The following NID1 variants were observed in gnomAD, a reference collection of about 807,000 sequenced individuals.
NID1 encodes nidogen-1.
In NID1, 76 loss-of-function variants were observed where a neutral mutation model predicts 130.6. That is an observed-to-expected ratio of 0.58 (90% CI 0.48 to 0.70). The LOEUF (loss-of-function observed/expected upper bound fraction) is 0.70, where lower values mean the gene tolerates loss of function less well. Among genes scored for constraint, NID1 ranks in the 30% least tolerant of loss-of-function variants. NID1 has a pLI of 0.00. For synonymous variants in NID1, 665 were observed against 675.1 expected, an observed-to-expected ratio of 0.98 and a Z score of 0.23; for missense variants, 1,517 against 1,664.8, an observed-to-expected ratio of 0.91 and a Z score of 1.54.
At chr1:236,009,616 G>C (rs776173601) in intron 12 of NID1, among the ~76,000 whole-genome samples, 2 of 152,014 alleles carry the variant, frequency 1.3e-5, no homozygotes, top group African/African-American at 2.4e-5. Context: ...ATACACATGG[G>C]GCCATGCTAT....
rs781054440 is a variant in NID1 at position 235,993,731 on chromosome 1, T to A, written c.2669A>T (p.His890Leu). 8 of 1,612,008 alleles carry A rather than the reference T, an allele frequency of 5.0e-6. No homozygotes were observed. In the South Asian group the frequency reaches 8.8e-5, roughly 18 times the overall value. The change falls in exon 13 of 20, where the codon CAC becomes CTC. Residue 890 changes from histidine (H) to leucine (L), a missense_variant. By Grantham distance (99) the His-to-Leu change is moderately conservative. Transcript: ENST00000264187. The stretch of plus-strand genomic sequence containing the variant: ...GCACCAGCAGTAGCCGGTGCTGCCG[T>A]GGCACTGGGTGGGCGCGTAGTGCCC... The part of the protein sequence containing the change: ...AHGHYAPTQC[H>L]GSTGYCWCVD...
Position 236,013,533 on chromosome 1 carries a change from T to C in NID1, c.2282A>G (p.Tyr761Cys), listed in dbSNP as rs372753135. The C allele has an allele frequency of 3.6e-4, 577 of 1,613,994 alleles. No individual in the cohort carries two copies. The highest frequency in any genetic ancestry group is 4.6e-4 in the Non-Finnish European group (538 of 1,180,000). The change falls in exon 11 of 20, where the codon TAC (tyrosine) becomes TGC (cysteine). Residue 761 changes from tyrosine to cysteine, a missense_variant. Coordinates refer to ENST00000264187, the MANE Select transcript of NID1 (RefSeq NM_002508.3). ...VAVVDQRPIN[Y>C]CETGLHNCDI... ...GCAGTTATGAAGGCCAGTTTCACAG[T>C]AGTTGATGGGGCGCTGGTCCACGAC...
At chr1:236,008,493 GTATTTATT>G (rs764765100) in intron 12 of NID1, among the ~76,000 whole-genome samples, 13 of 151,950 alleles carry the variant, frequency 8.6e-5, no homozygotes, top group African/African-American at 3.1e-4. Flanking sequence ...GTTTCATAAA[GTATTTATT>G]TATTTATTTA....
chr1:236,049,122 G>A (rs998146331), intron 1 of NID1, 133 bp from the exon 2 acceptor site: 28 of 941,758 alleles, frequency 3.0e-5, no homozygotes, highest in African/African-American at 8.3e-5. Flanking sequence ...AGAAAGATAC[G>A]AGCCTGAACC....
At position 236,025,988 on chromosome 1, in the gene NID1, T is replaced by C; in HGVS notation, c.1892A>G (p.Gln631Arg). 1 of 1,612,980 alleles carries C rather than the reference T, an allele frequency of 6.2e-7. No homozygotes were observed. Among genetic ancestry groups the C allele is most frequent in the Non-Finnish European group, 8.5e-7 (1 of 1,179,842 alleles). ...GAACACGCTGTCCACCGAGAGCTGCTGGGTGCTGGGCAGGGCTGGCCGGGA... is the reference window on the plus strand; with the variant it reads ...GAACACGCTGTCCACCGAGAGCTGCCGGGTGCTGGGCAGGGCTGGCCGGGA... ...DDSRPALPST[Q>R]QLSVDSVFVL... The change falls in exon 8 of 20, where the codon CAG becomes CGG. Residue 631 changes from glutamine (Q) to arginine (R), a missense_variant. By Grantham distance (43) the Gln-to-Arg change is conservative. This residue lies in a region of NID1 where 1,329 missense variants were observed against 1,429.2 expected (regional missense o/e 0.93). Transcript: ENST00000264187.
At chr1:236,057,135 T>C (rs948310119) in intron 1 of NID1, among the ~76,000 whole-genome samples, 1 of 152,090 alleles carries the variant, frequency 6.6e-6, no homozygotes, top group Admixed American at 6.6e-5. Context: ...GGTGGGTGCC[T>C]GTAATCCCAG....
chr1:236,020,794 G>A (rs1040417890), intron 9 of NID1, among the ~76,000 whole-genome samples: 11 of 152,214 alleles, frequency 7.2e-5, no homozygotes, highest in African/African-American at 2.7e-4. Context: ...AACAATAAGT[G>A]TCCTGACTGG....
At chr1:236,039,111 A>C (rs1194857246) in intron 4 of NID1, among the ~76,000 whole-genome samples, 1 of 142,944 alleles carries the variant, frequency 7.0e-6, no homozygotes, top group Non-Finnish European at 1.5e-5. Context: ...ATATATTTAC[A>C]TTATATTACA....
At chr1:236,049,369 C>G (rs1252319075) in intron 1 of NID1, among the ~76,000 whole-genome samples, 1 of 152,132 alleles carries the variant, frequency 6.6e-6, no homozygotes, top group Non-Finnish European at 1.5e-5. Flanking sequence ...GTTCCAGCTA[C>G]TTGGGAGGCT....
At chr1:236,041,559 A>T (rs1659450342) in intron 4 of NID1, among the ~76,000 whole-genome samples, 1 of 152,244 alleles carries the variant, frequency 6.6e-6, no homozygotes, top group Non-Finnish European at 1.5e-5. Context: ...CAGGTGGATG[A>T]ATACATTTCT....
chr1:236,053,262 G>A (rs926946341), intron 1 of NID1, among the ~76,000 whole-genome samples: 2 of 152,092 alleles, frequency 1.3e-5, no homozygotes, highest in African/African-American at 4.8e-5. Flanking sequence ...TGGGAAGTTT[G>A]GTGATGTGTT....
chr1:235,987,370 T>A (rs1365586634), intron 14 of NID1, among the ~76,000 whole-genome samples: 1 of 152,228 alleles, frequency 6.6e-6, no homozygotes, highest in Admixed American at 6.5e-5. Context: ...AATTAAAATA[T>A]TTTAAAACTA....
At position 236,048,717 on chromosome 1, in the gene NID1, GGGCCCTTGGTA is replaced by G; in HGVS notation, c.487_497del (p.Tyr163GlnfsTer21). On this transcript the variant is annotated frameshift_variant, in exon 2 of 20. Transcript: ENST00000264187. LOFTEE classifies it high-confidence loss of function. ...TGCCTTTCTGGTCTGGGTCCCTGCTGGGCCCTTGGTAGGGGGCCACGGATTCCCAAGTGACA... is the reference window on the plus strand; with the variant it reads ...TGCCTTTCTGGTCTGGGTCCCTGCTGGGGGGCCACGGATTCCCAAGTGACA... 1 of 1,612,184 alleles carries G rather than the reference GGGCCCTTGGTA, an allele frequency of 6.2e-7. No homozygotes were observed. The highest frequency in any genetic ancestry group is 8.5e-7 in the Non-Finnish European group (1 of 1,179,932).
intron 8 of NID1, among the ~76,000 whole-genome samples, chr1:236,025,388 A>C (rs968826554): frequency 2.0e-5 from 3 of 151,448 alleles, no homozygotes; most frequent in Admixed American, 1.3e-4. Context: ...CAGCCTCCCA[A>C]GTAGCTGGGA....
intron 9 of NID1, among the ~76,000 whole-genome samples, chr1:236,019,921 C>T (rs751046977): frequency 2.6e-5 from 4 of 151,742 alleles, no homozygotes; most frequent in Admixed American, 6.6e-5. Flanking sequence ...CCTGTAATTC[C>T]GGCAATCCGG....
intron 10 of NID1, among the ~76,000 whole-genome samples, chr1:236,015,367 C>A (rs1028618092): frequency 1.3e-5 from 2 of 152,108 alleles, no homozygotes; most frequent in South Asian, 4.1e-4. Context: ...AATATGTAGG[C>A]CGGGCGTGGT....
At chr1:236,003,107 G>A (rs9726883) in intron 12 of NID1, among the ~76,000 whole-genome samples, 33,627 of 127,128 alleles carry the variant, frequency 0.26, 4,955 homozygotes, top group Non-Finnish European at 0.3. Context: ...GTGAACGACT[G>A]GTAGTTGTCA....
intron 5 of NID1, among the ~76,000 whole-genome samples, chr1:236,036,099 G>A (rs969885036): frequency 2.0e-5 from 3 of 152,162 alleles, no homozygotes; most frequent in African/African-American, 7.2e-5. Flanking sequence ...TGATATTTGG[G>A]GTAGAAAAGG....
chr1:236,033,680 G>C (rs1483693043), intron 5 of NID1, among the ~76,000 whole-genome samples: 2 of 152,132 alleles, frequency 1.3e-5, no homozygotes, highest in Non-Finnish European at 2.9e-5. Flanking sequence ...ATAATAAATT[G>C]ATCTGGGATA....
Sources: allele counts gnomAD v4.1 joint callset (sites outside exome capture counted in the v4.1 genomes callset), GRCh38; gene constraint gnomAD v4.1.1; regional missense constraint gnomAD v4.1.1; transcripts MANE v1.5; gene names NCBI Gene and HGNC (gene_info 2026-07-23, HGNC 2026-07-21).